The following ARHGAP29 variants were observed in gnomAD, a reference collection of about 807,000 sequenced individuals.
The protein encoded by ARHGAP29 is rho GTPase-activating protein 29.
A neutral mutation model predicts 122.6 loss-of-function variants in ARHGAP29; 43 were observed. The observed-to-expected ratio is 0.35, with a 90% CI of 0.27 to 0.45. ARHGAP29 has a LOEUF of 0.45. Ranked by LOEUF, ARHGAP29 falls within the 20% of genes least tolerant of loss-of-function variation. The pLI is 1.00. For synonymous variants in ARHGAP29, 506 were observed against 497.1 expected, an observed-to-expected ratio of 1.02 and a Z score of -0.24; for missense variants, 1,303 against 1,477.2, an observed-to-expected ratio of 0.88 and a Z score of 1.93.
rs116408600 is a variant in ARHGAP29, at chr1:94,204,305, T to C, written c.698-311A>G. 9.6e-3 allele frequency among the ~76,000 whole-genome samples: 1,458 copies of C among 152,248 alleles called. 20 individuals carry two copies. The highest frequency in any genetic ancestry group is 0.033 in the African/African-American group (1,386 of 41,544). ...ATAAGCCACCATGTACAGCTCTTAA[T>C]GCAGCACTTCTTAATTGTGAGTGCT... On this transcript the variant is annotated intron_variant, in intron 7 of 22. Transcript: ENST00000260526.
chr1:94,226,387 T>G (rs1171861983), intron 2 of ARHGAP29, among the ~76,000 whole-genome samples: 1 of 151,932 alleles, frequency 6.6e-6, no homozygotes, highest in African/African-American at 2.4e-5. Context: ...AAAAACCCCA[T>G]TATCTCCTTT....
intron 1 of ARHGAP29, among the ~76,000 whole-genome samples, chr1:94,257,020 G>T (rs1654385460): frequency 1.3e-5 from 2 of 152,012 alleles, no homozygotes; most frequent in Admixed American, 6.6e-5. Context: ...TCATTCATTG[G>T]ATGGAGGCTG....
chr1:94,282,363 G>A, the ARHGAP29 span, among the ~76,000 whole-genome samples: 1 of 151,760 alleles, frequency 6.6e-6, no homozygotes, highest in Non-Finnish European at 1.5e-5. Context: ...CTGGCTTACT[G>A]CAGCCTTGAC....
Position 94,201,766 on chromosome 1 carries a change from G to T in ARHGAP29, c.1235C>A (p.Ala412Glu), listed in dbSNP as rs1650866318. Residue 412 changes from alanine to glutamate, a missense_variant, in exon 12 of 23, where the codon GCA becomes GAA. Ala to Glu is a moderately radical substitution (Grantham distance 107). Coordinates refer to ENST00000260526, the MANE Select transcript of ARHGAP29 (RefSeq NM_004815.4). ...CTGGAAAACAAGTGTCCGGAGTTGT[G>T]CTAAAATTTCTCTTTTGGTATTTTC... is the stretch of plus-strand genomic sequence containing the variant. ...DLENTKREIL[A>E]QLRTLVFQCD... The T allele has an allele frequency of 6.2e-7, 1 of 1,613,628 alleles. No individual in the cohort carries two copies. Among genetic ancestry groups the T allele is most frequent in the Non-Finnish European group, 8.5e-7 (1 of 1,179,922 alleles).
At chr1:94,232,444 C>T (rs565693321) in intron 1 of ARHGAP29, among the ~76,000 whole-genome samples, 3 of 152,206 alleles carry the variant, frequency 2.0e-5, no homozygotes, top group African/African-American at 7.2e-5. Flanking sequence ...ACAAGGGTGC[C>T]CACTAATCTG....
the ARHGAP29 span, among the ~76,000 whole-genome samples, chr1:94,297,558 G>C: frequency 6.6e-6 from 1 of 152,044 alleles, no homozygotes; most frequent in African/African-American, 2.4e-5. Flanking sequence ...TTTTTTCTTA[G>C]TAGTGCCCAG....
chr1:94,208,929 A>C (rs1651397440), intron 4 of ARHGAP29, 25 bp from the exon 5 acceptor site: 5 of 1,594,326 alleles, frequency 3.1e-6, no homozygotes, highest in Non-Finnish European at 4.3e-6. Flanking sequence ...TAAAAAAAGA[A>C]AGACAAGTCA....
Position 94,231,625 on chromosome 1 carries a change from A to T in ARHGAP29, c.-14T>A, listed in dbSNP as rs1241418544. ...GTGAGCAATCATCCTTTCATGTAAC[A>T]GTCAGAAAAACTGAAATCCTTAAGG... On this transcript the variant is annotated 5_prime_UTR_variant, in exon 2 of 23. Transcript: ENST00000260526. 1.9e-6 allele frequency: 3 copies of T among 1,609,038 alleles called. No homozygotes were observed. In the African/African-American group the frequency reaches 4.0e-5, roughly 22 times the overall value.
At chr1:94,296,400 C>A in the ARHGAP29 span, among the ~76,000 whole-genome samples, 1 of 152,134 alleles carries the variant, frequency 6.6e-6, no homozygotes, top group Non-Finnish European at 1.5e-5. Context: ...TATAATTGTT[C>A]TATTTTATTA....
rs193097433 is a variant in ARHGAP29 at position 94,247,791 on chromosome 1, A to T, written c.-32-16148T>A. On this transcript the variant is annotated intron_variant and NMD_transcript_variant, in intron 1 of 25. Transcript: ENST00000552844. Reference sequence around the variant, plus strand: ...CCGCCTGCCCCGCCCCTTGGAGCCCAGCCCATTGGCCTGGCCCGCGCTCCC... The same window carrying T: ...CCGCCTGCCCCGCCCCTTGGAGCCCTGCCCATTGGCCTGGCCCGCGCTCCC... The T allele has an allele frequency of 2.9e-4, 112 of 382,068 alleles. 2 individuals are homozygous for T. In the East Asian group the frequency reaches 0.017, roughly 56 times the overall value. The allele number at this position is 382,068 out of a possible 1,614,324, so 23.7% of individuals were successfully genotyped here.
upstream of ARHGAP29, among the ~76,000 whole-genome samples, chr1:94,239,968 C>T (rs1425010179): frequency 6.6e-6 from 1 of 152,130 alleles, no homozygotes; most frequent in Non-Finnish European, 1.5e-5. Context: ...ACCATGGACA[C>T]TCACCCAGTG....
intron 2 of ARHGAP29, among the ~76,000 whole-genome samples, chr1:94,221,324 A>G (rs1026838422): frequency 2.6e-5 from 4 of 152,114 alleles, no homozygotes; most frequent in Non-Finnish European, 5.9e-5. Context: ...GTACTCTTAT[A>G]TAATCTTCCT....
intron 1 of ARHGAP29, among the ~76,000 whole-genome samples, chr1:94,273,982 A>G (rs1048238831): frequency 6.6e-6 from 1 of 152,204 alleles, no homozygotes; most frequent in Non-Finnish European, 1.5e-5. Context: ...AACACCTAGT[A>G]TGGGCAGGTT....
chr1:94,233,033 C>T (rs1344692727), intron 1 of ARHGAP29, among the ~76,000 whole-genome samples: 5 of 151,144 alleles, frequency 3.3e-5, no homozygotes, highest in African/African-American at 1.2e-4. Context: ...CAGCCTCAAA[C>T]TCCTGGGCTC....
intron 11 of ARHGAP29, chr1:94,202,122 C>A: frequency 4.6e-6 from 2 of 433,726 alleles, no homozygotes; most frequent in Non-Finnish European, 8.0e-6. Flanking sequence ...TTACTATATT[C>A]CATATAATCT....
At chr1:94,301,241 C>T in the ARHGAP29 span, among the ~76,000 whole-genome samples, 95 of 152,292 alleles carry the variant, frequency 6.2e-4, 2 homozygotes, top group South Asian at 0.019. Context: ...CCCATGAGGG[C>T]CTTTTGATCT....
intron 3 of ARHGAP29, among the ~76,000 whole-genome samples, chr1:94,214,112 C>T (rs1651816026): frequency 6.6e-6 from 1 of 152,140 alleles, no homozygotes; most frequent in Non-Finnish European, 1.5e-5. Context: ...CAAATCTGGT[C>T]TCTACTACTT....
chr1:94,210,196 C>T (rs191198627), intron 3 of ARHGAP29, among the ~76,000 whole-genome samples: 1 of 152,176 alleles, frequency 6.6e-6, no homozygotes, highest in African/African-American at 2.4e-5. Flanking sequence ...TAACTGGTTC[C>T]CTATATGACC....
intron 4 of ARHGAP29, 120 bp downstream of exon 4, chr1:94,209,134 G>A (rs1033576100): frequency 7.9e-5 from 69 of 874,672 alleles, no homozygotes; most frequent in South Asian, 5.6e-4. Context: ...TAGTTTTTCC[G>A]AAGTTGTGAT....
Sources: gnomAD v4.1 joint callset for allele counts (sites outside exome capture counted in the v4.1 genomes callset) on GRCh38, gnomAD v4.1.1 for gene constraint, MANE v1.5 for transcripts, NCBI Gene and HGNC (gene_info 2026-07-23, HGNC 2026-07-21) for gene names.